Variants in TENT4B observed in about 807,000 individuals in gnomAD.
TENT4B encodes terminal nucleotidyltransferase 4B.
In TENT4B, 10 loss-of-function variants were observed where a neutral mutation model predicts 75.0. The observed-to-expected ratio is 0.13, with a 90% CI of 0.08 to 0.23. The LOEUF is 0.23. TENT4B is among the 10% of genes least tolerant of loss of function. TENT4B has a pLI of 1.00. For missense variants in TENT4B, 579 were observed against 893.8 expected, an observed-to-expected ratio of 0.65 and a Z score of 4.49; for synonymous variants, 350 against 357.7, an observed-to-expected ratio of 0.98 and a Z score of 0.24.
chr16:50,179,129 G>A lies in TENT4B; in HGVS notation c.638+24870G>A, dbSNP rs1216605022. Among the ~76,000 whole-genome samples, 10 of 151,480 alleles carry A rather than the reference G, an allele frequency of 6.6e-5. No homozygotes were observed. The East Asian group carries it at 7.7e-4, about 12-fold the overall frequency. On this transcript the variant is annotated intron_variant, in intron 1 of 11. Coordinates refer to ENST00000561678, the MANE Select transcript of TENT4B (RefSeq NM_001365324.3). Reference sequence around the variant, plus strand: ...TGTAATCCCAGCACTTTGGGAGACCGAGGCGGGTGGATCACCTGAGGTCAG... The same window carrying A: ...TGTAATCCCAGCACTTTGGGAGACCAAGGCGGGTGGATCACCTGAGGTCAG...
At chr16:50,180,803 A>G (rs1425939353) in intron 1 of TENT4B, among the ~76,000 whole-genome samples, 1 of 152,178 alleles carries the variant, frequency 6.6e-6, no homozygotes, top group Non-Finnish European at 1.5e-5. Context: ...CCAATTGTCA[A>G]AATCCCTCAA....
intron 1 of TENT4B, among the ~76,000 whole-genome samples, chr16:50,160,080 G>T (rs767172659): frequency 4.4e-4 from 67 of 152,040 alleles, no homozygotes; most frequent in Non-Finnish European, 8.5e-4. Flanking sequence ...TGTATTTTTA[G>T]TAGAGACGGG....
intron 1 of TENT4B, among the ~76,000 whole-genome samples, chr16:50,210,783 G>A (rs1329543467): frequency 2.6e-5 from 4 of 152,184 alleles, no homozygotes; most frequent in Admixed American, 2.6e-4. Flanking sequence ...CTTGTAGCTG[G>A]CTGATTGCCC....
chr16:50,198,889 A>T (rs758994235), intron 1 of TENT4B, among the ~76,000 whole-genome samples: 2 of 152,260 alleles, frequency 1.3e-5, no homozygotes, highest in Non-Finnish European at 2.9e-5. Context: ...ATGAGAGTAT[A>T]TATAATCAAA....
chr16:50,232,397 AT>A lies in TENT4B; in HGVS notation c.*3072del. 1.0e-6 allele frequency: 1 copy of A among 985,254 alleles called. No homozygotes were observed. Among genetic ancestry groups the A allele is most frequent in the Non-Finnish European group, 1.2e-6 (1 of 829,866 alleles). 61.0% of individuals were successfully genotyped at this position (985,254 alleles called of 1,614,324 possible). Reference sequence around the variant, plus strand: ...TACTTGCATTTTGAGCCTCATTAATATTTAGGTTATTTGATTTGGCTCCAGA... The same window carrying A: ...TACTTGCATTTTGAGCCTCATTAATATTAGGTTATTTGATTTGGCTCCAGA... On this transcript the variant is annotated 3_prime_UTR_variant, in exon 12 of 12. Coordinates refer to ENST00000561678, the MANE Select transcript of TENT4B (RefSeq NM_001365324.3).
At chr16:50,218,402 T>C (rs963309022) in intron 5 of TENT4B, among the ~76,000 whole-genome samples, 1 of 152,018 alleles carries the variant, frequency 6.6e-6, no homozygotes, top group Admixed American at 6.6e-5. Flanking sequence ...AGTGGCACGA[T>C]CTTGGTTCAC....
chr16:50,169,048 G>A (rs1365658431), intron 1 of TENT4B, among the ~76,000 whole-genome samples: 1 of 152,120 alleles, frequency 6.6e-6, no homozygotes, highest in Non-Finnish European at 1.5e-5. Context: ...AAAGAAGTGA[G>A]CAATAAATAA....
At chr16:50,165,344 TTC>T (rs1375538223) in intron 1 of TENT4B, among the ~76,000 whole-genome samples, 24 of 152,166 alleles carry the variant, frequency 1.6e-4, no homozygotes, top group Admixed American at 1.6e-3. Flanking sequence ...ACGACATTAT[TTC>T]TTTTTTATCA....
At position 50,196,832 on chromosome 16, in the gene TENT4B, G is replaced by A. The variant is rs138512542; in HGVS notation, c.639-14491G>A. On this transcript the variant is annotated intron_variant, in intron 1 of 11. Coordinates refer to ENST00000561678, the MANE Select transcript of TENT4B (RefSeq NM_001365324.3). Reference sequence around the variant, plus strand: ...TGCAGCTGTAGTCCCAGCTACAGTGGGGCTGAGGCAGGGGGATTGCTTGAG... The same window carrying A: ...TGCAGCTGTAGTCCCAGCTACAGTGAGGCTGAGGCAGGGGGATTGCTTGAG... 7.9e-5 allele frequency among the ~76,000 whole-genome samples: 12 copies of A among 152,084 alleles called. No homozygotes were observed. The East Asian group carries it at 2.3e-3, about 29-fold the overall frequency.
At chr16:50,156,203 A>T (rs949921421) in intron 1 of TENT4B, among the ~76,000 whole-genome samples, 1 of 152,158 alleles carries the variant, frequency 6.6e-6, no homozygotes, top group Admixed American at 6.5e-5. Flanking sequence ...CCCTTAGAGG[A>T]TGTCAGCAGT....
intron 1 of TENT4B, among the ~76,000 whole-genome samples, chr16:50,163,096 C>T (rs1370982333): frequency 6.6e-6 from 1 of 152,154 alleles, no homozygotes; most frequent in Non-Finnish European, 1.5e-5. Flanking sequence ...CTTACTGGCC[C>T]TTTGTAGTCA....
intron 7 of TENT4B, among the ~76,000 whole-genome samples, chr16:50,223,689 T>A (rs924933838): frequency 6.6e-6 from 1 of 152,242 alleles, no homozygotes; most frequent in Admixed American, 6.5e-5. Flanking sequence ...TCTTGGGTCC[T>A]TATTGCCTTG....
intron 1 of TENT4B, among the ~76,000 whole-genome samples, chr16:50,158,447 C>G (rs2037942826): frequency 6.6e-6 from 1 of 152,170 alleles, no homozygotes; most frequent in East Asian, 1.9e-4. Context: ...CCCTCCAGAA[C>G]TGGCCATGGT....
chr16:50,198,596 A>T (rs1020295247), intron 1 of TENT4B, among the ~76,000 whole-genome samples: 3 of 152,166 alleles, frequency 2.0e-5, no homozygotes, highest in Admixed American at 6.5e-5. Flanking sequence ...TCAACTCACT[A>T]ATGTATTAAT....
chr16:50,233,270 T>G lies in TENT4B; in HGVS notation c.*3942T>G. 1.0e-6 allele frequency: 1 copy of G among 985,438 alleles called. No individual in the cohort carries two copies. The highest frequency in any genetic ancestry group is 1.7e-5 in the African/African-American group (1 of 57,360). 61.0% of individuals were successfully genotyped at this position (985,438 alleles called of 1,614,324 possible). On this transcript the variant is annotated 3_prime_UTR_variant, in exon 12 of 12. Transcript: ENST00000561678. Reference sequence around the variant, plus strand: ...ATTCCTTAAAAGAGTTCATCTTGCCTTGGTTTCTGACCCTCAAGACTCTAG... The same window carrying G: ...ATTCCTTAAAAGAGTTCATCTTGCCGTGGTTTCTGACCCTCAAGACTCTAG...
upstream of TENT4B, chr16:50,153,024 G>A (rs1301273215): frequency 6.6e-7 from 1 of 1,515,882 alleles, no homozygotes; most frequent in Non-Finnish European, 8.8e-7. Context: ...GAAGCTCCCG[G>A]ACGCCCAGGT....
intron 1 of TENT4B, 97 bp downstream of exon 1, chr16:50,154,356 A>T: frequency 7.5e-7 from 1 of 1,341,618 alleles, no homozygotes; most frequent in South Asian, 2.0e-5. Flanking sequence ...AGGAGCGGCC[A>T]CCCCCACGGC....
rs1437915058 is a variant in TENT4B, at chr16:50,224,642, A to G, written c.1382-15A>G. The G allele has an allele frequency of 1.2e-6, 2 of 1,613,756 alleles. No homozygotes were observed. The highest frequency in any genetic ancestry group is 1.3e-5 in the African/African-American group (1 of 75,032). On this transcript the variant is annotated splice_polypyrimidine_tract_variant and intron_variant, in intron 7 of 11. Transcript: ENST00000561678. ...CACAGTCAGGCTTACTATGTTACGT[A>G]TATTTCTTTTAAAGGTAACGATGTT...
intron 3 of TENT4B, 81 bp from the exon 4 acceptor site, chr16:50,215,994 A>G: frequency 6.5e-7 from 1 of 1,544,028 alleles, no homozygotes; most frequent in Non-Finnish European, 8.9e-7. Flanking sequence ...AATTGTACTA[A>G]TGAAGTCTAT....
Sources: allele counts gnomAD v4.1 joint callset (sites outside exome capture counted in the v4.1 genomes callset), GRCh38; gene constraint gnomAD v4.1.1; transcripts MANE v1.5; gene names NCBI Gene and HGNC (gene_info 2026-07-23, HGNC 2026-07-21).